ENOX1: variants seen among roughly 807,000 people sequenced by gnomAD.
ENOX1 encodes ecto-NOX disulfide-thiol exchanger 1.
A neutral mutation model predicts 82.5 loss-of-function variants in ENOX1; 42 were observed. The observed-to-expected ratio is 0.51, with a 90% CI of 0.40 to 0.66. The LOEUF is 0.66. Ranked by LOEUF, ENOX1 falls within the 30% of genes least tolerant of loss-of-function variation. The probability of loss-of-function intolerance (pLI) is 0.00; values close to 1 mark genes in which losing one functional copy is unlikely to be tolerated. For missense variants in ENOX1, 608 were observed against 811.6 expected (o/e 0.75, Z 3.05); for synonymous variants, 271 against 282.2 (o/e 0.96, Z 0.40).
intron 3 of ENOX1, among the ~76,000 whole-genome samples, chr13:43,427,289 C>T (rs1027866275): frequency 6.6e-6 from 1 of 152,198 alleles, no homozygotes; most frequent in Non-Finnish European, 1.5e-5. Flanking sequence ...AAGAAACTCA[C>T]ATCCTCGATC....
intron 2 of ENOX1, among the ~76,000 whole-genome samples, chr13:43,530,825 AC>A (rs1314745171): frequency 6.6e-6 from 1 of 152,086 alleles, no homozygotes; most frequent in Non-Finnish European, 1.5e-5. Flanking sequence ...TTACTGTTAC[AC>A]CCTTTTAAGA....
At chr13:43,277,847 A>C (rs1022420838) in intron 12 of ENOX1, among the ~76,000 whole-genome samples, 1 of 152,120 alleles carries the variant, frequency 6.6e-6, no homozygotes, top group Non-Finnish European at 1.5e-5. Flanking sequence ...AAAATCTCCA[A>C]AGGGAGGAGT....
At chr13:43,485,410 A>G (rs112648313) in intron 2 of ENOX1, among the ~76,000 whole-genome samples, 2,289 of 152,312 alleles carry the variant, frequency 0.015, 51 homozygotes, top group African/African-American at 0.052. Context: ...TGCAGGACCA[A>G]AAGTCCCTTA....
chr13:43,412,402 A>G (rs997504129), intron 4 of ENOX1, among the ~76,000 whole-genome samples: 7 of 152,200 alleles, frequency 4.6e-5, no homozygotes, highest in Non-Finnish European at 1.0e-4. Flanking sequence ...TGGTAAAACA[A>G]GTTAATTGGC....
In ENOX1 at chr13:43,451,202, G is replaced by A. The variant is rs549988319; in HGVS notation, c.-75+32807C>T. 3.9e-5 allele frequency among the ~76,000 whole-genome samples: 6 copies of A among 152,248 alleles called. No homozygotes were observed. In the South Asian group the frequency reaches 1.2e-3, roughly 32 times the overall value. ...TCTTACCTTGGACCAGACGCTGCAA[G>A]GCACTGAATATATATACTTGGTCTT... On this transcript the variant is annotated intron_variant, in intron 3 of 16. Transcript: ENST00000690772.
chr13:43,623,591 G>A (rs912399144), intron 2 of ENOX1, among the ~76,000 whole-genome samples: 2 of 152,238 alleles, frequency 1.3e-5, no homozygotes, highest in South Asian at 2.1e-4. Flanking sequence ...ACAGTTTTGC[G>A]GGGTGGTATC....
At chr13:43,532,160 A>G (rs904516965) in intron 2 of ENOX1, among the ~76,000 whole-genome samples, 1 of 152,146 alleles carries the variant, frequency 6.6e-6, no homozygotes, top group Non-Finnish European at 1.5e-5. Context: ...TAAAATAAAG[A>G]AAAAGAAGAA....
chr13:43,216,557 A>G lies in ENOX1; in HGVS notation c.1801-2436T>C, dbSNP rs2041498129. ...ATGAGACCAAGTTATCTTCTCAAAG[A>G]GTTCCCTTCTTTCTTTTGGAGGAGG... On this transcript the variant is annotated intron_variant, in intron 16 of 16. Transcript: ENST00000690772. Among the ~76,000 whole-genome samples, 3 of 152,148 alleles carry G rather than the reference A, an allele frequency of 2.0e-5. No individual in the cohort carries two copies. In the South Asian group the frequency reaches 6.2e-4, roughly 32 times the overall value.
intron 5 of ENOX1, among the ~76,000 whole-genome samples, chr13:43,381,669 C>A (rs1785483948): frequency 6.6e-6 from 1 of 151,658 alleles, no homozygotes; most frequent in African/African-American, 2.4e-5. Flanking sequence ...ATACAAACTG[C>A]TAATATTAGA....
chr13:43,332,342 C>A (rs117156854), intron 9 of ENOX1, among the ~76,000 whole-genome samples: 1 of 152,116 alleles, frequency 6.6e-6, no homozygotes, highest in Admixed American at 6.5e-5. Context: ...ATAGGGTTCA[C>A]GCTCCTGTAA....
intron 2 of ENOX1, among the ~76,000 whole-genome samples, chr13:43,649,576 A>T (rs2084057831): frequency 6.6e-6 from 1 of 152,190 alleles, no homozygotes; most frequent in African/African-American, 2.4e-5. Context: ...AATGGTGCTC[A>T]GGTTTTAGAG....
chr13:43,556,073 T>A (rs1365875005), intron 2 of ENOX1, among the ~76,000 whole-genome samples: 1 of 152,194 alleles, frequency 6.6e-6, no homozygotes, highest in Non-Finnish European at 1.5e-5. Context: ...TACCAATGAA[T>A]GTTCAATGTA....
At chr13:43,394,347 C>A (rs927525412) in intron 5 of ENOX1, among the ~76,000 whole-genome samples, 14 of 152,182 alleles carry the variant, frequency 9.2e-5, no homozygotes, top group African/African-American at 3.4e-4. Context: ...TTGGCATGTT[C>A]TTCATTAGGC....
chr13:43,765,521 G>T (rs1388698952), intron 1 of ENOX1, among the ~76,000 whole-genome samples: 1 of 152,028 alleles, frequency 6.6e-6, no homozygotes. Flanking sequence ...TCTAATGCTT[G>T]GTAATTATTT....
chr13:43,694,559 T>C (rs989694594), intron 1 of ENOX1, among the ~76,000 whole-genome samples: 3 of 152,184 alleles, frequency 2.0e-5, no homozygotes, highest in Non-Finnish European at 2.9e-5. Flanking sequence ...CACTGAGAAG[T>C]AAATGAGTGA....
intron 8 of ENOX1, among the ~76,000 whole-genome samples, chr13:43,353,502 T>TA (rs920368813): frequency 1.3e-4 from 20 of 152,336 alleles, no homozygotes; most frequent in Admixed American, 6.5e-5. Flanking sequence ...TTACCTTAGG[T>TA]ATTGACTGTA....
Position 43,595,362 on chromosome 13 carries a change from CT to C in ENOX1, c.-219+72116del, listed in dbSNP as rs1171666707. 2.0e-5 allele frequency among the ~76,000 whole-genome samples: 3 copies of C among 152,056 alleles called. No homozygotes were observed. The East Asian group carries it at 5.8e-4, about 29-fold the overall frequency. ...TCCTTATAAAAAACATACTCTTGTC[CT>C]TTTTCTTTCATCCTCCAGTCAGCAG... On this transcript the variant is annotated intron_variant, in intron 2 of 16. Transcript: ENST00000690772.
intron 2 of ENOX1, among the ~76,000 whole-genome samples, chr13:43,615,574 A>G (rs939567298): frequency 3.9e-5 from 6 of 152,166 alleles, no homozygotes; most frequent in African/African-American, 1.4e-4. Flanking sequence ...ATTAATCATG[A>G]AAACTCTTCT....
chr13:43,426,720 T>C (rs2055327898), intron 3 of ENOX1, among the ~76,000 whole-genome samples: 1 of 152,192 alleles, frequency 6.6e-6, no homozygotes, highest in South Asian at 2.1e-4. Context: ...AGGTCTTGAC[T>C]ATTACGGCAA....
Sources: gnomAD v4.1 joint callset for allele counts (sites outside exome capture counted in the v4.1 genomes callset) on GRCh38, gnomAD v4.1.1 for gene constraint, MANE v1.5 for transcripts, NCBI Gene and HGNC (gene_info 2026-07-23, HGNC 2026-07-21) for gene names.